The following MARCHF1 variants were observed in gnomAD, a reference collection of about 807,000 sequenced individuals.
MARCHF1 encodes E3 ubiquitin-protein ligase MARCHF1.
Under a neutral mutation model 54.2 loss-of-function variants are expected in MARCHF1, and 40 were observed. That is an observed-to-expected ratio of 0.74 (90% CI 0.57 to 0.96). The LOEUF is 0.96. Among genes scored for constraint, MARCHF1 ranks in the 40% least tolerant of loss-of-function variants. MARCHF1 has a pLI of 0.00. For synonymous variants in MARCHF1, 236 were observed against 236.3 expected (o/e 1.00, Z 0.01); for missense variants, 586 against 656.5 (o/e 0.89, Z 1.17).
intron 1 of MARCHF1, among the ~76,000 whole-genome samples, chr4:164,178,726 G>A (rs754537294): frequency 7.9e-5 from 12 of 151,978 alleles, no homozygotes; most frequent in Non-Finnish European, 1.0e-4. Flanking sequence ...GCAGCTTAAT[G>A]TCTAATAATA....
intron 5 of MARCHF1, among the ~76,000 whole-genome samples, chr4:163,637,221 G>A (rs1742367069): frequency 6.6e-6 from 1 of 152,042 alleles, no homozygotes; most frequent in South Asian, 2.1e-4. Context: ...AAAAGCAATG[G>A]CAACAAAAGC....
chr4:164,168,048 A>C (rs139346654), intron 1 of MARCHF1, among the ~76,000 whole-genome samples: 44 of 152,184 alleles, frequency 2.9e-4, no homozygotes, highest in African/African-American at 1.1e-3. Flanking sequence ...TTTAAAATTT[A>C]TAAAGTACTT....
At chr4:164,001,691 G>A (rs1044493125) in intron 2 of MARCHF1, among the ~76,000 whole-genome samples, 1 of 151,736 alleles carries the variant, frequency 6.6e-6, no homozygotes, top group African/African-American at 2.4e-5. Context: ...AAGCGTGCCT[G>A]GTTGTCTGTT....
chr4:164,381,687 C>A (rs1363793231), intron 1 of MARCHF1, among the ~76,000 whole-genome samples: 1 of 152,108 alleles, frequency 6.6e-6, no homozygotes, highest in East Asian at 1.9e-4. Context: ...ATAGTGTACA[C>A]CCCATCATGT....
chr4:163,556,079 A>G, intron 8 of MARCHF1: 2 of 412,002 alleles, frequency 4.9e-6, no homozygotes, highest in Non-Finnish European at 4.9e-6. Flanking sequence ...TTACCCAGTC[A>G]TTATTAGATG....
intron 2 of MARCHF1, among the ~76,000 whole-genome samples, chr4:164,068,105 C>A (rs1166566969): frequency 2.0e-5 from 3 of 152,196 alleles, no homozygotes; most frequent in Non-Finnish European, 4.4e-5. Context: ...AGAGGGAACA[C>A]TTATACACTA....
chr4:164,065,537 T>A (rs1181943766), intron 2 of MARCHF1, among the ~76,000 whole-genome samples: 1 of 152,166 alleles, frequency 6.6e-6, no homozygotes, highest in Non-Finnish European at 1.5e-5. Flanking sequence ...TTGCAAAATG[T>A]GTATCAGTCA....
chr4:163,971,414 C>G (rs1472483460), intron 3 of MARCHF1, among the ~76,000 whole-genome samples: 1 of 152,136 alleles, frequency 6.6e-6, no homozygotes, highest in African/African-American at 2.4e-5. Context: ...CCATAGAAAA[C>G]TAAGGAAACA....
intron 3 of MARCHF1, among the ~76,000 whole-genome samples, chr4:163,943,457 T>C (rs1751956477): frequency 6.6e-6 from 1 of 152,170 alleles, no homozygotes; most frequent in Non-Finnish European, 1.5e-5. Context: ...CTTTTCCCCA[T>C]TGTTTTTGTT....
intron 1 of MARCHF1, among the ~76,000 whole-genome samples, chr4:164,253,630 ATTTG>A (rs967368211): frequency 5.3e-5 from 8 of 152,094 alleles, no homozygotes; most frequent in Admixed American, 1.3e-4. Flanking sequence ...ATTTTCCTAT[ATTTG>A]TTTATTTAAT....
intron 2 of MARCHF1, among the ~76,000 whole-genome samples, chr4:164,011,165 G>A (rs1216550254): frequency 6.6e-6 from 1 of 151,270 alleles, no homozygotes; most frequent in Non-Finnish European, 1.5e-5. Context: ...GAAGCTACTA[G>A]AAAAAAAAAT....
At position 163,958,351 on chromosome 4, in the gene MARCHF1, T is replaced by C. The variant is rs577120833; in HGVS notation, c.-39+30150A>G. Among the ~76,000 whole-genome samples the C allele has an allele frequency of 6.8e-4, 103 of 152,120 alleles. 1 individual carries two copies. Among genetic ancestry groups the C allele is most frequent in the African/African-American group, 2.4e-3 (98 of 41,550 alleles). ...CTTTACACTAGAAAATTAGATATGA[T>C]GACTGTTGTTACAAAGTTATGGACT... On this transcript the variant is annotated intron_variant, in intron 3 of 9. Transcript: ENST00000514618.
Position 163,938,016 on chromosome 4 carries a change from A to G in MARCHF1, c.-39+50485T>C, listed in dbSNP as rs574937225. On this transcript the variant is annotated intron_variant, in intron 3 of 9. Transcript: ENST00000514618. ...CATATTTTCCATTATATAAGATAAA[A>G]TCTTTTTTAAAAACAGGAGATGATC... Among the ~76,000 whole-genome samples the G allele has an allele frequency of 2.6e-5, 4 of 152,276 alleles. No individual in the cohort carries two copies. The South Asian group carries it at 6.2e-4, about 24-fold the overall frequency.
intron 1 of MARCHF1, among the ~76,000 whole-genome samples, chr4:164,344,866 A>G (rs943183234): frequency 3.3e-5 from 5 of 152,220 alleles, no homozygotes; most frequent in Non-Finnish European, 7.3e-5. Flanking sequence ...ATTAGACTAA[A>G]GAAGTCCTTT....
intron 1 of MARCHF1, among the ~76,000 whole-genome samples, chr4:164,324,705 C>G (rs1479069524): frequency 6.6e-6 from 1 of 151,142 alleles, no homozygotes; most frequent in African/African-American, 2.4e-5. Flanking sequence ...AAGAAAATAA[C>G]AAAAGGTATT....
chr4:163,781,486 G>A (rs560823372), intron 4 of MARCHF1, among the ~76,000 whole-genome samples: 7 of 152,188 alleles, frequency 4.6e-5, no homozygotes, highest in East Asian at 1.9e-4. Flanking sequence ...CTTGATAAGT[G>A]ACATGGAATT....
chr4:163,595,095 C>G (rs904392937), intron 7 of MARCHF1, among the ~76,000 whole-genome samples: 2 of 143,656 alleles, frequency 1.4e-5, no homozygotes, highest in African/African-American at 5.1e-5. Flanking sequence ...TATAAGCCAG[C>G]GAGTGGCTCA....
At chr4:163,985,333 C>G (rs1213025422) in intron 3 of MARCHF1, among the ~76,000 whole-genome samples, 3 of 152,052 alleles carry the variant, frequency 2.0e-5, no homozygotes, top group Non-Finnish European at 2.9e-5. Flanking sequence ...CCTTCTCTAA[C>G]CCTTAATATC....
At chr4:164,213,612 A>G (rs17476391) in intron 1 of MARCHF1, among the ~76,000 whole-genome samples, 57,766 of 151,962 alleles carry the variant, frequency 0.38, 12,788 homozygotes, top group Non-Finnish European at 0.51. Context: ...AGATAGGTAT[A>G]TGCTAATAAA....
Sources: allele counts gnomAD v4.1 joint callset (sites outside exome capture counted in the v4.1 genomes callset), GRCh38; gene constraint gnomAD v4.1.1; transcripts MANE v1.5; gene names NCBI Gene and HGNC (gene_info 2026-07-23, HGNC 2026-07-21).